Variants in NOS1AP observed in about 807,000 individuals in gnomAD.
The protein encoded by NOS1AP is carboxyl-terminal PDZ ligand of neuronal nitric oxide synthase protein.
NOS1AP carries 21 observed loss-of-function variants against 56.2 expected under a neutral mutation model. The ratio of observed to expected loss-of-function variants is 0.37; its 90% CI spans 0.26 to 0.54. The LOEUF (loss-of-function observed/expected upper bound fraction) is 0.54. NOS1AP is among the 20% of genes least tolerant of loss of function. The pLI is 0.84. For missense variants in NOS1AP, 522 were observed against 657.8 expected (o/e 0.79, Z 2.26); for synonymous variants, 270 against 274.6 (o/e 0.98, Z 0.17).
At chr1:162,338,894 A>G (rs1657019766) in intron 5 of NOS1AP, among the ~76,000 whole-genome samples, 1 of 152,198 alleles carries the variant, frequency 6.6e-6, no homozygotes, top group South Asian at 2.1e-4. Context: ...GCCGCAGTTC[A>G]TCAAATGTTG....
At chr1:162,158,565 A>T (rs770811729) in intron 2 of NOS1AP, among the ~76,000 whole-genome samples, 2 of 152,198 alleles carry the variant, frequency 1.3e-5, no homozygotes, top group African/African-American at 4.8e-5. Context: ...AAGAACCTCC[A>T]TACTGTTTTC....
Position 162,368,138 on chromosome 1 carries a change from C to G in NOS1AP, c.*671C>G, listed in dbSNP as rs1658158247. ...ACATTGAATGTTGCTACAAAGGGAG[C>G]CTTGAAGCTTTAACATGGTTCAGGC... On this transcript the variant is annotated 3_prime_UTR_variant, in exon 10 of 10. Coordinates refer to ENST00000361897, the MANE Select transcript of NOS1AP (RefSeq NM_014697.3). 6.6e-6 allele frequency: 1 copy of G among 152,440 alleles called. No individual in the cohort carries two copies. Among genetic ancestry groups the G allele is most frequent in the African/African-American group, 2.4e-5 (1 of 41,410 alleles). 9.4% of individuals were successfully genotyped at this position (152,440 alleles called of 1,614,324 possible). A position where few individuals can be genotyped will look rare whatever the true frequency, so the allele number is the denominator to read the frequency against.
chr1:162,258,943 C>A (rs1654120019), intron 2 of NOS1AP, among the ~76,000 whole-genome samples: 1 of 152,124 alleles, frequency 6.6e-6, no homozygotes, highest in South Asian at 2.1e-4. Flanking sequence ...TCCATTAGGA[C>A]CTCTGATGGC....
intron 2 of NOS1AP, among the ~76,000 whole-genome samples, chr1:162,178,591 A>AGATGC (rs1651145633): frequency 6.6e-6 from 1 of 152,044 alleles, no homozygotes; most frequent in Admixed American, 6.5e-5. Context: ...GACAGCTGGC[A>AGATGC]CTTACACTCA....
chr1:162,143,255 A>G (rs1649313158), intron 1 of NOS1AP, among the ~76,000 whole-genome samples: 3 of 151,834 alleles, frequency 2.0e-5, no homozygotes, highest in Admixed American at 2.0e-4. Context: ...CTCCTCTTTG[A>G]TTCTGTTGAG....
At chr1:162,232,391 A>T (rs942840184) in intron 2 of NOS1AP, among the ~76,000 whole-genome samples, 1 of 152,226 alleles carries the variant, frequency 6.6e-6, no homozygotes, top group Admixed American at 6.5e-5. Flanking sequence ...GGATCAGAGA[A>T]TTAAAAGGCT....
At chr1:162,351,317 T>C (rs560747519) in intron 6 of NOS1AP, among the ~76,000 whole-genome samples, 17 of 152,370 alleles carry the variant, frequency 1.1e-4, no homozygotes, top group African/African-American at 3.6e-4. Flanking sequence ...TGTAACTCCT[T>C]GCTCATTTGA....
intron 2 of NOS1AP, among the ~76,000 whole-genome samples, chr1:162,225,208 C>G (rs1446983808): frequency 1.3e-5 from 2 of 152,238 alleles, no homozygotes; most frequent in Admixed American, 1.3e-4. Flanking sequence ...CTCCTTATTA[C>G]TTATTCACGA....
intron 4 of NOS1AP, among the ~76,000 whole-genome samples, chr1:162,305,546 G>T (rs1655798515): frequency 6.6e-6 from 1 of 151,986 alleles, no homozygotes; most frequent in African/African-American, 2.4e-5. Flanking sequence ...CAAATATATA[G>T]ATCTTTTTCT....
At chr1:162,266,157 G>C (rs1229628980) in intron 2 of NOS1AP, among the ~76,000 whole-genome samples, 1 of 152,160 alleles carries the variant, frequency 6.6e-6, no homozygotes, top group Non-Finnish European at 1.5e-5. Flanking sequence ...AGTTATTCTG[G>C]GTGGTTATGT....
rs575571874 is a variant in NOS1AP at position 162,086,906 on chromosome 1, C to G, written c.105+16624C>G. Among the ~76,000 whole-genome samples the G allele has an allele frequency of 2.6e-5, 4 of 152,242 alleles. No homozygotes were observed. The South Asian group carries it at 8.3e-4, about 32-fold the overall frequency. On this transcript the variant is annotated intron_variant, in intron 1 of 9. Coordinates refer to ENST00000361897, the MANE Select transcript of NOS1AP (RefSeq NM_014697.3). Reference sequence around the variant, plus strand: ...TGTAGTTGTAGGCATAGGATGCATACAACAACTCCACGCTCATCTTGTGAG... The same window carrying G: ...TGTAGTTGTAGGCATAGGATGCATAGAACAACTCCACGCTCATCTTGTGAG...
At chr1:162,106,870 C>T (rs1011549903) in intron 1 of NOS1AP, among the ~76,000 whole-genome samples, 1 of 152,162 alleles carries the variant, frequency 6.6e-6, no homozygotes, top group Non-Finnish European at 1.5e-5. Context: ...TACAGTAAAT[C>T]TGAAGATTGC....
At chr1:162,184,711 T>A (rs1651369650) in intron 2 of NOS1AP, among the ~76,000 whole-genome samples, 2 of 152,218 alleles carry the variant, frequency 1.3e-5, no homozygotes, top group African/African-American at 2.4e-5. Flanking sequence ...CTCCATAGGA[T>A]GCCTGTAGAG....
chr1:162,105,675 A>G (rs561832098), intron 1 of NOS1AP, among the ~76,000 whole-genome samples: 4 of 152,190 alleles, frequency 2.6e-5, no homozygotes, highest in African/African-American at 9.7e-5. Context: ...TTAAAGAAGA[A>G]GTCTGGCCAC....
At chr1:162,073,235 G>A (rs1691695931) in intron 1 of NOS1AP, among the ~76,000 whole-genome samples, 1 of 152,206 alleles carries the variant, frequency 6.6e-6, no homozygotes. Context: ...TAGGCTCAGG[G>A]AGGTTGTTGC....
At chr1:162,186,827 T>A (rs556169243) in intron 2 of NOS1AP, among the ~76,000 whole-genome samples, 1 of 152,370 alleles carries the variant, frequency 6.6e-6, no homozygotes, top group South Asian at 2.1e-4. Context: ...TATGACACTT[T>A]CGTTATAGCA....
chr1:162,239,656 C>A (rs1653419693), intron 2 of NOS1AP, among the ~76,000 whole-genome samples: 1 of 152,086 alleles, frequency 6.6e-6, no homozygotes, highest in African/African-American at 2.4e-5. Flanking sequence ...ATGATTATTG[C>A]CCCTAAGTAA....
chr1:162,137,922 T>C (rs183611748), intron 1 of NOS1AP, among the ~76,000 whole-genome samples: 10 of 152,208 alleles, frequency 6.6e-5, no homozygotes, highest in African/African-American at 2.4e-4. Context: ...GGAGTGTGTA[T>C]GTAAGCATAT....
At chr1:162,183,869 C>T (rs1274778000) in intron 2 of NOS1AP, among the ~76,000 whole-genome samples, 1 of 152,196 alleles carries the variant, frequency 6.6e-6, no homozygotes, top group Non-Finnish European at 1.5e-5. Context: ...CATAAGGCTG[C>T]TTTGCTTTCT....
Sources: gnomAD v4.1 joint callset for allele counts (sites outside exome capture counted in the v4.1 genomes callset) on GRCh38, gnomAD v4.1.1 for gene constraint, MANE v1.5 for transcripts, NCBI Gene and HGNC (gene_info 2026-07-23, HGNC 2026-07-21) for gene names.